The following FCGR2B variants were observed in gnomAD, a reference collection of about 807,000 sequenced individuals.
The protein encoded by FCGR2B is Fc gamma receptor IIb.
A neutral mutation model predicts 24.8 loss-of-function variants in FCGR2B; 18 were observed. The ratio of observed to expected loss-of-function variants is 0.73; its 90% confidence interval spans 0.50 to 1.08. The LOEUF is 1.08. FCGR2B is among the 50% of genes least tolerant of loss of function. The pLI is 0.00. For missense variants in FCGR2B, 215 were observed against 297.6 expected, an observed-to-expected ratio of 0.72 and a Z score of 2.04; for synonymous variants, 79 against 109.8, an observed-to-expected ratio of 0.72 and a Z score of 1.75.
At chr1:161,671,840 A>G in intron 3 of FCGR2B, 191 bp downstream of exon 3, 1 of 1,110,318 alleles carries the variant, frequency 9.0e-7, no homozygotes, top group Non-Finnish European at 1.3e-6. Context: ...AAGGCCAAAA[A>G]CAGGCAGCCA....
intron 4 of FCGR2B, 95 bp downstream of exon 4, chr1:161,673,324 C>T (rs1230541762): frequency 7.4e-5 from 118 of 1,604,182 alleles, no homozygotes; most frequent in Middle Eastern, 3.3e-4. Flanking sequence ...AGAAAGGCCA[C>T]AGCGCAAAAT....
At chr1:161,677,136 T>C (rs1474708602) in intron 6 of FCGR2B, 192 bp from the exon 7 acceptor site, 7 of 613,324 alleles carry the variant, frequency 1.1e-5, no homozygotes, top group Non-Finnish European at 2.0e-5. Flanking sequence ...TGCGGAAGGC[T>C]GTGGCTGGGC....
In FCGR2B at chr1:161,677,830, C is replaced by G. The variant is rs959063299; in HGVS notation, c.*277C>G. ...ACACAGCCAATCCAATTAATCAAAC[C>G]ACTGTTATTAACAGATAATAGCAAC... On this transcript the variant is annotated 3_prime_UTR_variant, in exon 8 of 8. Coordinates refer to ENST00000358671, the MANE Select transcript of FCGR2B (RefSeq NM_001394477.1). The G allele has an allele frequency of 6.9e-6, 3 of 437,524 alleles. No individual in the cohort carries two copies. The highest frequency in any genetic ancestry group is 1.2e-5 in the Non-Finnish European group (3 of 247,022). 27.1% of individuals were successfully genotyped at this position (437,524 alleles called of 1,614,324 possible).
At chr1:161,673,634 C>G in intron 4 of FCGR2B, 2 of 577,390 alleles carry the variant, frequency 3.5e-6, no homozygotes, top group South Asian at 1.8e-5. Flanking sequence ...AGGCTGTGCT[C>G]CATAGAGTAA....
chr1:161,669,535 A>T (rs1226866939), intron 1 of FCGR2B, among the ~76,000 whole-genome samples: 1 of 143,072 alleles, frequency 7.0e-6, no homozygotes, highest in Admixed American at 7.1e-5. Flanking sequence ...GCGTTATTGC[A>T]CTCCAGCCTG....
chr1:161,653,501 G>A, the FCGR2B span, among the ~76,000 whole-genome samples: 4 of 139,748 alleles, frequency 2.9e-5, no homozygotes, highest in South Asian at 9.8e-4. Flanking sequence ...ACCCACAGGC[G>A]AGTTTTTTTT....
intron 3 of FCGR2B, 177 bp from the exon 4 acceptor site, chr1:161,672,798 C>T: frequency 1.9e-6 from 2 of 1,048,152 alleles, no homozygotes; most frequent in Non-Finnish European, 2.7e-6. Flanking sequence ...GCTCAGAAGA[C>T]TTAAATTATT....
chr1:161,677,546 G>A lies in FCGR2B; in HGVS notation c.926G>A (p.Arg309His), dbSNP rs373810561. ...CTGGAAGAGCCTGATGACCAGAACC[G>A]TATTTAGTCTCCATTGTCTTGCATT... The part of the protein sequence containing the change: ...DALEEPDDQN[R>H]I The change falls in exon 8 of 8, where the codon CGT (arginine) becomes CAT (histidine). Residue 309 changes from arginine (R) to histidine (H), a missense_variant. This residue lies in a region of FCGR2B where 81 missense variants were observed against 81.6 expected (regional missense o/e 0.99). Coordinates refer to ENST00000358671, the MANE Select transcript of FCGR2B (RefSeq NM_001394477.1). 15 of 1,609,100 alleles carry A rather than the reference G, an allele frequency of 9.3e-6. No homozygotes were observed. Among genetic ancestry groups the A allele is most frequent in the Admixed American group, 5.0e-5 (3 of 59,600 alleles).
At chr1:161,673,660 T>C in intron 4 of FCGR2B, 1 of 524,262 alleles carries the variant, frequency 1.9e-6, no homozygotes, top group East Asian at 3.4e-5. Context: ...CCTCCAGCTA[T>C]GCGAGGCTTT....
intron 2 of FCGR2B, among the ~76,000 whole-genome samples, chr1:161,671,080 G>T (rs1474265279): frequency 6.6e-6 from 1 of 152,142 alleles, no homozygotes; most frequent in Admixed American, 6.5e-5. Context: ...TGCTGGTGGG[G>T]AGAGGTTGGT....
the FCGR2B span, among the ~76,000 whole-genome samples, chr1:161,650,509 G>C: frequency 1.4e-5 from 2 of 146,500 alleles, no homozygotes; most frequent in Non-Finnish European, 1.5e-5. Flanking sequence ...GGGGGGCTAT[G>C]CTCTCCACTG....
the FCGR2B span, among the ~76,000 whole-genome samples, chr1:161,647,867 T>G: frequency 1.3e-5 from 2 of 150,958 alleles, no homozygotes; most frequent in South Asian, 2.1e-4. Context: ...CTGTGCTTCG[T>G]GTGTTCATAA....
At chr1:161,653,294 T>C in the FCGR2B span, among the ~76,000 whole-genome samples, 1 of 132,410 alleles carries the variant, frequency 7.6e-6, no homozygotes, top group East Asian at 2.0e-4. Flanking sequence ...TCCCAGTTAC[T>C]TGGGAGGCTG....
At chr1:161,669,815 G>A (rs1483636836) in intron 1 of FCGR2B, among the ~76,000 whole-genome samples, 6 of 82,810 alleles carry the variant, frequency 7.2e-5, no homozygotes, top group South Asian at 5.3e-4. Context: ...TTGCTCCTGC[G>A]TATTTTCTAT....
chr1:161,672,877 G>C, intron 3 of FCGR2B, 98 bp from the exon 4 acceptor site: 1 of 1,535,198 alleles, frequency 6.5e-7, no homozygotes, highest in Non-Finnish European at 8.8e-7. Flanking sequence ...GACCTAAGCT[G>C]TTCCCTCTGC....
chr1:161,661,964 GAA>G (rs1681130584), upstream of FCGR2B, among the ~76,000 whole-genome samples: 1 of 115,608 alleles, frequency 8.6e-6, no homozygotes, highest in African/African-American at 4.0e-5. Flanking sequence ...AGGCATTTGG[GAA>G]AGAGTCCCCA....
chr1:161,677,664 G>T lies in FCGR2B; in HGVS notation c.*111G>T. 1.2e-6 allele frequency: 1 copy of T among 848,938 alleles called. No individual in the cohort carries two copies. The highest frequency in any genetic ancestry group is 1.9e-6 in the Non-Finnish European group (1 of 528,624). 52.6% of individuals were successfully genotyped at this position (848,938 alleles called of 1,614,324 possible). Reference sequence around the variant, plus strand: ...ACAGGGAGATGCTGCAGTTCCAAAAGAGAAGGTTTCTTCCAGAGTCATCTA... The same window carrying T: ...ACAGGGAGATGCTGCAGTTCCAAAATAGAAGGTTTCTTCCAGAGTCATCTA... On this transcript the variant is annotated 3_prime_UTR_variant, in exon 8 of 8. Coordinates refer to ENST00000358671, the MANE Select transcript of FCGR2B (RefSeq NM_001394477.1).
chr1:161,652,331 A>T, the FCGR2B span, among the ~76,000 whole-genome samples: 1 of 129,166 alleles, frequency 7.7e-6, no homozygotes, highest in Non-Finnish European at 1.7e-5. Context: ...AATTTCTATG[A>T]ACCCATTTTC....
intron 3 of FCGR2B, chr1:161,672,101 A>C (rs143225223): frequency 7.4e-3 from 1,480 of 199,682 alleles, no homozygotes; most frequent in Non-Finnish European, 0.012. Flanking sequence ...CCCCTTCTCC[A>C]CGTTCTCACT....
Sources: allele counts gnomAD v4.1 joint callset (sites outside exome capture counted in the v4.1 genomes callset), GRCh38; gene constraint gnomAD v4.1.1; regional missense constraint gnomAD v4.1.1; transcripts MANE v1.5; gene names NCBI Gene and HGNC (gene_info 2026-07-23, HGNC 2026-07-21).